Variants in ELF4 observed in about 807,000 individuals in gnomAD.
ELF4 encodes ETS-related transcription factor Elf-4.
ELF4 carries 10 observed loss-of-function variants against 31.7 expected under a neutral mutation model. The observed-to-expected ratio is 0.32, with a 90% CI of 0.19 to 0.54. The LOEUF (loss-of-function observed/expected upper bound fraction) is 0.54, where lower values mean the gene tolerates loss of function less well. ELF4 is among the 20% of genes least tolerant of loss of function. The pLI is 0.95. For synonymous variants in ELF4, 208 were observed against 226.7 expected (o/e 0.92, Z 0.74); for missense variants, 418 against 522.0 (o/e 0.80, Z 1.94).
At chrX:130,077,998 G>A (rs988652334) in intron 2 of ELF4, among the ~76,000 whole-genome samples, 2 of 110,882 alleles carry the variant, frequency 1.8e-5, no homozygotes, top group African/African-American at 6.5e-5. Flanking sequence ...CCTAAAAGGA[G>A]TGAAAGGGGC....
chrX:130,070,916 AGTTAC>A, intron 7 of ELF4, 119 bp downstream of exon 7: 1 of 1,000,846 alleles, frequency 1.0e-6, no homozygotes, highest in African/African-American at 1.9e-5. Context: ...CTAAGAGGAA[AGTTAC>A]GAGACTCGTT....
chrX:130,092,645 T>TA (rs1050444568), intron 1 of ELF4, among the ~76,000 whole-genome samples: 14 of 111,857 alleles, frequency 1.3e-4, no homozygotes, highest in African/African-American at 4.6e-4. Flanking sequence ...GAGGACTGGA[T>TA]AAAAAACTGG....
chrX:130,084,231 C>T (rs1932929601), intron 1 of ELF4, among the ~76,000 whole-genome samples: 1 of 112,415 alleles, frequency 8.9e-6, no homozygotes, highest in African/African-American at 3.2e-5. Context: ...CCAGCCTCAG[C>T]TGCCTTCGTG....
intron 8 of ELF4, 67 bp from the exon 9 acceptor site, chrX:130,067,592 G>T: frequency 9.4e-7 from 1 of 1,061,063 alleles, no homozygotes; most frequent in Non-Finnish European, 1.3e-6. Context: ...AGGAAGGAGG[G>T]CACGAGAGGA....
intron 1 of ELF4, among the ~76,000 whole-genome samples, chrX:130,085,261 A>T (rs767207620): frequency 8.9e-6 from 1 of 111,943 alleles, no homozygotes; most frequent in Non-Finnish European, 1.9e-5. Context: ...GCGAGAAAGT[A>T]TGTGCCCCTG....
chrX:130,090,432 TCACAGTGCCTTCCCCACCTC>T (rs1452460817), intron 1 of ELF4, among the ~76,000 whole-genome samples: 10 of 110,286 alleles, frequency 9.1e-5, no homozygotes, highest in African/African-American at 2.6e-4. Context: ...CATTGAACCT[TCACAGTGCCTTCCCCACCTC>T]CACAGTGCCT....
Position 130,071,539 on chromosome X carries a change from G to T in ELF4, c.533-120C>A, listed in dbSNP as rs1932788019. Reference sequence around the variant, plus strand: ...CAGGTCACCAGGGCTGGAGGCCCCAGATCGCTCTCCACAGCCACAGCCCTC... The same window carrying T: ...CAGGTCACCAGGGCTGGAGGCCCCATATCGCTCTCCACAGCCACAGCCCTC... On this transcript the variant is annotated intron_variant, in intron 5 of 8. Coordinates refer to ENST00000308167, the MANE Select transcript of ELF4 (RefSeq NM_001421.4). 4.4e-6 allele frequency: 3 copies of T among 678,444 alleles called. No individual in the cohort carries two copies. In the South Asian group the frequency reaches 7.1e-5, roughly 16 times the overall value. 55.9% of individuals were successfully genotyped at this position (678,444 alleles called of 1,213,427 possible).
chrX:130,094,825 G>C, intron 1 of ELF4, among the ~76,000 whole-genome samples: 1 of 111,729 alleles, frequency 9.0e-6, no homozygotes, highest in East Asian at 2.8e-4. Flanking sequence ...TACATCTGCA[G>C]CACAAACCCA....
At chrX:130,083,103 C>A in intron 1 of ELF4, among the ~76,000 whole-genome samples, 1 of 98,674 alleles carries the variant, frequency 1.0e-5, no homozygotes, top group African/African-American at 3.7e-5. Flanking sequence ...CCCACCCTCA[C>A]CCTCACCCCC....
intron 1 of ELF4, among the ~76,000 whole-genome samples, chrX:130,096,324 A>G (rs1933149690): frequency 9.0e-6 from 1 of 110,938 alleles, no homozygotes; most frequent in Non-Finnish European, 1.9e-5. Flanking sequence ...CTGGGACTAC[A>G]GGTGTGTGCC....
rs1369782712 is a variant in ELF4 at position 130,069,430 on chromosome X, T to A, written c.1057A>T (p.Ile353Phe). ...KGSSSWEKPKIQHVGLQPSAS... is the reference protein window; with the variant it reads ...KGSSSWEKPKFQHVGLQPSAS... Reference sequence around the variant, plus strand: ...GATGGCTGGAGACCGACATGCTGAATTTTTGGCTTCTCCCAAGAAGAGCTG... The same window carrying A: ...GATGGCTGGAGACCGACATGCTGAAATTTTGGCTTCTCCCAAGAAGAGCTG... Residue 353 changes from isoleucine (I) to phenylalanine (F), a missense_variant, in exon 8 of 9, where the codon ATT (isoleucine) becomes TTT (phenylalanine). Physicochemically the swap from Ile to Phe is conservative, Grantham distance 21. Around this residue, in one of 4 missense-constraint regions of ELF4, gnomAD observed 260 missense variants for 269.2 expected, o/e 0.97. Transcript: ENST00000308167. 6.6e-6 allele frequency: 8 copies of A among 1,211,912 alleles called. No individual in the cohort carries two copies. The highest frequency in any genetic ancestry group is 8.9e-6 in the Non-Finnish European group (8 of 895,536).
intron 2 of ELF4, 21 bp downstream of exon 2, chrX:130,081,235 C>G: frequency 8.3e-7 from 1 of 1,210,119 alleles, no homozygotes; most frequent in African/African-American, 1.7e-5. Flanking sequence ...GCTAACTGTG[C>G]TCTGTTCTCT....
intron 1 of ELF4, among the ~76,000 whole-genome samples, chrX:130,105,824 C>T (rs1933367502): frequency 9.3e-6 from 1 of 107,810 alleles, no homozygotes; most frequent in African/African-American, 3.4e-5. Flanking sequence ...CCCTACGTCT[C>T]CCCTGCCATC....
chrX:130,083,940 G>A (rs1265271831), intron 1 of ELF4, among the ~76,000 whole-genome samples: 2 of 111,371 alleles, frequency 1.8e-5, no homozygotes, highest in Non-Finnish European at 3.8e-5. Flanking sequence ...ATCTGTATAC[G>A]GTGGATGCGG....
At chrX:130,091,598 A>G (rs186456156) in intron 1 of ELF4, among the ~76,000 whole-genome samples, 141 of 111,698 alleles carry the variant, frequency 1.3e-3, no homozygotes, top group African/African-American at 4.4e-3. Context: ...CATCATGTTG[A>G]TTTCTGAGAA....
At position 130,098,839 on chromosome X, in the gene ELF4, G is replaced by A. The variant is rs759360156; in HGVS notation, c.-210+11486C>T. On this transcript the variant is annotated intron_variant, in intron 1 of 8. Coordinates refer to ENST00000308167, the MANE Select transcript of ELF4 (RefSeq NM_001421.4). Reference sequence around the variant, plus strand: ...AAGTTCAACCTCTGACCCACCTGCAGGCAGGCCCTACAGAGACAGGGCCTG... The same window carrying A: ...AAGTTCAACCTCTGACCCACCTGCAAGCAGGCCCTACAGAGACAGGGCCTG... Among the ~76,000 whole-genome samples the A allele has an allele frequency of 3.6e-5, 4 of 111,914 alleles. No individual in the cohort carries two copies. The East Asian group carries it at 1.1e-3, about 32-fold the overall frequency.
At chrX:130,070,951 C>T in intron 7 of ELF4, 89 bp downstream of exon 7, 2 of 1,136,979 alleles carry the variant, frequency 1.8e-6, no homozygotes, top group Non-Finnish European at 2.4e-6. Flanking sequence ...TCAATCAGGT[C>T]TCCATGAAAG....
chrX:130,102,127 A>G (rs1933273339), intron 1 of ELF4, among the ~76,000 whole-genome samples: 1 of 113,100 alleles, frequency 8.8e-6, no homozygotes, highest in South Asian at 3.6e-4. Context: ...AGCCTGGGCG[A>G]CGGAGTGGGA....
intron 1 of ELF4, among the ~76,000 whole-genome samples, chrX:130,102,918 G>GAA: frequency 9.5e-6 from 1 of 105,035 alleles, no homozygotes; most frequent in Non-Finnish European, 2.0e-5. Context: ...AAGAAAGAAA[G>GAA]AAAGAGAGAG....
Sources: allele counts gnomAD v4.1 joint callset (sites outside exome capture counted in the v4.1 genomes callset), GRCh38; gene constraint gnomAD v4.1.1; regional missense constraint gnomAD v4.1.1; transcripts MANE v1.5; gene names NCBI Gene and HGNC (gene_info 2026-07-23, HGNC 2026-07-21).